Variants in CHCHD6 observed in about 807,000 individuals in gnomAD.
CHCHD6 encodes MICOS complex subunit MIC25.
Under a neutral mutation model 32.3 loss-of-function variants are expected in CHCHD6, and 28 were observed. The ratio of observed to expected loss-of-function variants is 0.87; its 90% CI spans 0.64 to 1.19. The LOEUF is 1.19. Among genes scored for constraint, CHCHD6 ranks in the 50% most tolerant of loss-of-function variants. The pLI is 0.00. For missense variants in CHCHD6, 333 were observed against 307.0 expected (o/e 1.08, Z -0.63); for synonymous variants, 122 against 117.5 (o/e 1.04, Z -0.25).
intron 1 of CHCHD6, among the ~76,000 whole-genome samples, chr3:126,715,287 C>T (rs1175527970): frequency 6.6e-6 from 1 of 152,186 alleles, no homozygotes; most frequent in Non-Finnish European, 1.5e-5. Context: ...TCCCACGTTC[C>T]ACCTCCCTGA....
chr3:126,910,713 G>A (rs758506182), intron 5 of CHCHD6, among the ~76,000 whole-genome samples: 7 of 152,212 alleles, frequency 4.6e-5, no homozygotes, highest in Non-Finnish European at 8.8e-5. Flanking sequence ...AGCTGCTTGA[G>A]TGATACTCAA....
Position 126,917,368 on chromosome 3 carries a change from A to G in CHCHD6, c.566+2618A>G, listed in dbSNP as rs1440814070. 2.0e-5 allele frequency among the ~76,000 whole-genome samples: 3 copies of G among 152,112 alleles called. No homozygotes were observed. The East Asian group carries it at 5.8e-4, about 29-fold the overall frequency. On this transcript the variant is annotated intron_variant, in intron 6 of 7. Coordinates refer to ENST00000290913, the MANE Select transcript of CHCHD6 (RefSeq NM_032343.3). ...TTGCTCTTCCTTTGTTTGTCTTTGC[A>G]TCATTGCTGTCCCTTGCAGGCCCTG... is the stretch of plus-strand genomic sequence containing the variant.
intron 6 of CHCHD6, among the ~76,000 whole-genome samples, chr3:126,927,653 G>A (rs953330461): frequency 1.3e-5 from 2 of 152,224 alleles, no homozygotes; most frequent in African/African-American, 2.4e-5. Flanking sequence ...AATAAAGCCA[G>A]CGTCCCCACA....
chr3:126,753,162 A>C (rs1303639736), intron 4 of CHCHD6, among the ~76,000 whole-genome samples: 1 of 152,110 alleles, frequency 6.6e-6, no homozygotes, highest in Non-Finnish European at 1.5e-5. Flanking sequence ...ATGGACTGTC[A>C]CACGATTTTG....
At chr3:126,810,041 C>T (rs1172268185) in intron 4 of CHCHD6, among the ~76,000 whole-genome samples, 1 of 152,134 alleles carries the variant, frequency 6.6e-6, no homozygotes, top group East Asian at 1.9e-4. Flanking sequence ...ATGAAGACCC[C>T]TCATATACAG....
intron 4 of CHCHD6, among the ~76,000 whole-genome samples, chr3:126,757,532 G>A (rs1018017818): frequency 6.6e-6 from 1 of 152,142 alleles, no homozygotes; most frequent in Non-Finnish European, 1.5e-5. Context: ...GACTTCCGCA[G>A]CAAGCTCAAA....
At chr3:126,742,902 T>G (rs1481740346) in intron 4 of CHCHD6, among the ~76,000 whole-genome samples, 1 of 152,158 alleles carries the variant, frequency 6.6e-6, no homozygotes, top group Non-Finnish European at 1.5e-5. Context: ...AGAAATCCTG[T>G]TTTTCCCTCA....
intron 1 of CHCHD6, among the ~76,000 whole-genome samples, chr3:126,713,822 T>C (rs1934874134): frequency 6.6e-6 from 1 of 152,172 alleles, no homozygotes; most frequent in Non-Finnish European, 1.5e-5. Context: ...CTTAATGATA[T>C]TAATTGATTT....
intron 6 of CHCHD6, chr3:126,949,622 C>T (rs574652473): frequency 2.7e-4 from 46 of 169,142 alleles, no homozygotes; most frequent in Admixed American, 7.7e-4. Context: ...GGCTGCTGCC[C>T]GGACTGCCGC....
chr3:126,789,205 G>T (rs934570237), intron 4 of CHCHD6, among the ~76,000 whole-genome samples: 2 of 152,146 alleles, frequency 1.3e-5, no homozygotes, highest in Admixed American at 6.5e-5. Context: ...TATAATTTCT[G>T]TTCTTTTACA....
chr3:126,755,159 A>G (rs543092901), intron 4 of CHCHD6, among the ~76,000 whole-genome samples: 3 of 152,348 alleles, frequency 2.0e-5, no homozygotes. Context: ...AGAAGGGTTC[A>G]AAGAAATCAG....
At chr3:126,955,510 C>G (rs2078771090) in intron 6 of CHCHD6, among the ~76,000 whole-genome samples, 1 of 152,236 alleles carries the variant, frequency 6.6e-6, no homozygotes, top group African/African-American at 2.4e-5. Flanking sequence ...CAGGCCAGGG[C>G]TGGGCCACCA....
intron 4 of CHCHD6, chr3:126,780,547 A>G (rs1331952036): frequency 1.0e-5 from 2 of 194,004 alleles, no homozygotes; most frequent in African/African-American, 4.7e-5. Flanking sequence ...TATTACACAG[A>G]TGGCCCCTTA....
chr3:126,858,406 A>T (rs1237037732), intron 5 of CHCHD6, among the ~76,000 whole-genome samples: 1 of 152,088 alleles, frequency 6.6e-6, no homozygotes, highest in Non-Finnish European at 1.5e-5. Context: ...CTCAGGAAAG[A>T]GTCGGCACAC....
chr3:126,733,227 G>A lies in CHCHD6; in HGVS notation c.411+5G>A, dbSNP rs201494265. 72 of 1,612,686 alleles carry A rather than the reference G, an allele frequency of 4.5e-5. No homozygotes were observed. In the African/African-American group the frequency reaches 8.9e-4, roughly 20 times the overall value. ...GAGCAGAAGTCAGTCCGGCTGGTGA[G>A]TGCAGATTTTCCCTGATCTGGCCTT... On this transcript the variant is annotated splice_donor_5th_base_variant and intron_variant, in intron 4 of 7. Coordinates refer to ENST00000290913, the MANE Select transcript of CHCHD6 (RefSeq NM_032343.3).
At chr3:126,755,979 A>C (rs1232464828) in intron 4 of CHCHD6, among the ~76,000 whole-genome samples, 1 of 152,078 alleles carries the variant, frequency 6.6e-6, no homozygotes, top group Admixed American at 6.5e-5. Context: ...CCCTTTTTGC[A>C]GATGACTGTG....
At chr3:126,716,041 TGTG>T (rs1335430803) in intron 1 of CHCHD6, among the ~76,000 whole-genome samples, 2 of 152,172 alleles carry the variant, frequency 1.3e-5, no homozygotes, top group African/African-American at 2.4e-5. Context: ...TTTGCACTGT[TGTG>T]GTGGTTTCCC....
At chr3:126,808,703 A>C (rs1939522847) in intron 4 of CHCHD6, among the ~76,000 whole-genome samples, 1 of 152,148 alleles carries the variant, frequency 6.6e-6, no homozygotes. Context: ...TAAGAAGCAA[A>C]AAGAAATCAG....
At chr3:126,872,923 C>T (rs943655045) in intron 5 of CHCHD6, among the ~76,000 whole-genome samples, 4 of 152,242 alleles carry the variant, frequency 2.6e-5, no homozygotes, top group East Asian at 3.8e-4. Context: ...GTTGTGCTTA[C>T]GCAAGTTTCA....
Sources: gnomAD v4.1 joint callset for allele counts (sites outside exome capture counted in the v4.1 genomes callset) on GRCh38, gnomAD v4.1.1 for gene constraint, MANE v1.5 for transcripts, NCBI Gene and HGNC (gene_info 2026-07-23, HGNC 2026-07-21) for gene names.